Variants in FCRLA observed in about 807,000 individuals in gnomAD.
FCRLA encodes Fc receptor like A, also known as Fc receptor-like A.
A neutral mutation model predicts 28.4 loss-of-function variants in FCRLA; 26 were observed. The ratio of observed to expected loss-of-function variants is 0.91; its 90% confidence interval spans 0.67 to 1.27. FCRLA has a LOEUF of 1.27. FCRLA is among the 50% of genes most tolerant of loss of function. The pLI is 0.00. For synonymous variants in FCRLA, 174 were observed against 168.5 expected, an observed-to-expected ratio of 1.03 and a Z score of -0.25; for missense variants, 422 against 433.1, an observed-to-expected ratio of 0.97 and a Z score of 0.23.
At position 161,711,431 on chromosome 1, in the gene FCRLA, T is replaced by C. The variant is rs1305461995; in HGVS notation, c.456T>C (p.Pro152=). The C allele has an allele frequency of 2.5e-6, 4 of 1,614,106 alleles. No homozygotes were observed. Among genetic ancestry groups the C allele is most frequent in the Non-Finnish European group, 8.5e-7 (1 of 1,180,028 alleles). Residue 152 remains proline (P), a synonymous_variant, in exon 3 of 5, where the codon CCT becomes CCC. Transcript: ENST00000236938. ...HCSGIFQSPG[P]GIPETASVVA... ...GTGGCATCTTCCAGAGCCCTGGTCC[T>C]GGGATCCCAGAAACAGCATCTGTTG...
intron 1 of FCRLA, 150 bp downstream of exon 1, chr1:161,707,493 T>G: frequency 1.2e-6 from 1 of 819,160 alleles, no homozygotes; most frequent in Non-Finnish European, 1.8e-6. Flanking sequence ...GAAAGTTTGG[T>G]GTACAGGATT....
At chr1:161,710,430 C>T in intron 1 of FCRLA, 4 of 1,542,788 alleles carry the variant, frequency 2.6e-6, no homozygotes, top group Non-Finnish European at 1.8e-6. Flanking sequence ...CTATGCCTCC[C>T]TGCTTCGAGT....
rs1228797097 is a variant in FCRLA, at chr1:161,713,531, T to G, written c.*151T>G. 1 of 632,772 alleles carries G rather than the reference T, an allele frequency of 1.6e-6. No individual in the cohort carries two copies. Among genetic ancestry groups the G allele is most frequent in the African/African-American group, 1.8e-5 (1 of 54,474 alleles). 39.2% of individuals were successfully genotyped at this position (632,772 alleles called of 1,614,324 possible). A position where few individuals can be genotyped will look rare whatever the true frequency, so the allele number is the denominator to read the frequency against. ...TGTAGTTAGGTGAGTGTAAATAAAT[T>G]TATATAAAGTGAGAATTAGAGTTTA... is the stretch of plus-strand genomic sequence containing the variant. On this transcript the variant is annotated 3_prime_UTR_variant, in exon 5 of 5. Transcript: ENST00000236938.
At position 161,714,212 on chromosome 1, in the gene FCRLA, C is replaced by G. The variant is rs1334983330; in HGVS notation, c.*832C>G. The stretch of plus-strand genomic sequence containing the variant: ...CCCAGAGAGCTAACTCACCCTTCCA[C>G]CATATGAGGACGTGGCAAGAAGATG... On this transcript the variant is annotated 3_prime_UTR_variant, in exon 5 of 5. Coordinates refer to ENST00000236938, the MANE Select transcript of FCRLA (RefSeq NM_032738.4). 1 of 152,198 alleles carries G rather than the reference C, an allele frequency of 6.6e-6. No individual in the cohort carries two copies. Among genetic ancestry groups the G allele is most frequent in the African/African-American group, 2.4e-5 (1 of 41,434 alleles). The allele number at this position is 152,198 out of a possible 1,614,324, so 9.4% of individuals were successfully genotyped here.
chr1:161,712,936 G>A (rs1683175297), intron 4 of FCRLA, 149 bp from the exon 5 acceptor site: 3 of 839,392 alleles, frequency 3.6e-6, no homozygotes, highest in Admixed American at 4.9e-5. Context: ...ATTAAAATTT[G>A]GACCAGGAGG....
At position 161,712,123 on chromosome 1, in the gene FCRLA, C is replaced by CT. The variant is rs1468592602; in HGVS notation, c.691dup (p.Ser231PhefsTer11). 2 of 1,614,094 alleles carry CT rather than the reference C, an allele frequency of 1.2e-6. No individual in the cohort carries two copies. Among genetic ancestry groups the CT allele is most frequent in the Non-Finnish European group, 1.7e-6 (2 of 1,180,040 alleles). On this transcript the variant is annotated frameshift_variant, in exon 4 of 5. Transcript: ENST00000236938. LOFTEE classifies it high-confidence loss of function. ...TCCTCAGAATTCCAGATCCCCACAG[C>CT]TTCAGAAGATCACTCCGGGTCATAC...
At chr1:161,711,090 C>A (rs1683075803) in intron 2 of FCRLA, 118 bp from the exon 3 acceptor site, 3 of 1,461,076 alleles carry the variant, frequency 2.1e-6, no homozygotes, top group East Asian at 2.3e-5. Context: ...TCCCATACTC[C>A]CAACCAGGGG....
At position 161,707,306 on chromosome 1, in the gene FCRLA, T is replaced by G. The variant is rs1386759243; in HGVS notation, c.42T>G (p.Leu14=). Residue 14 remains leucine (L), a synonymous_variant, in exon 1 of 5, where the codon CTT becomes CTG. Coordinates refer to ENST00000236938, the MANE Select transcript of FCRLA (RefSeq NM_032738.4). ...TCCTCATGGCCTGGGCCCTCTACCT[T>G]TCCCTTGGTGTGCTCTGGGTGGCCC... ...GCVLMAWALY[L]SLGVLWVAQM... is the part of the protein sequence containing the mutation. 4 of 1,613,120 alleles carry G rather than the reference T, an allele frequency of 2.5e-6. No individual in the cohort carries two copies. Among genetic ancestry groups the G allele is most frequent in the African/African-American group, 2.7e-5 (2 of 74,870 alleles).
In FCRLA at chr1:161,711,931, C is replaced by T. The variant is rs371762388; in HGVS notation, c.500-3C>T. 2.2e-5 allele frequency: 35 copies of T among 1,602,880 alleles called. No homozygotes were observed. The African/African-American group carries it at 4.2e-4, about 19-fold the overall frequency. On this transcript the variant is annotated splice_region_variant and splice_polypyrimidine_tract_variant and intron_variant, in intron 3 of 4. Transcript: ENST00000236938. ...TCTTCTTTCCTGCCTATCTTTTTCC[C>T]AGAACTGTTTCCAGCGCCAATTCTC...
In FCRLA at chr1:161,710,810, A is replaced by C. The variant is rs772322689; in HGVS notation, c.130A>C (p.Ser44Arg). The C allele has an allele frequency of 6.2e-7, 1 of 1,613,952 alleles. No homozygotes were observed. The highest frequency in any genetic ancestry group is 1.7e-5 in the Admixed American group (1 of 60,006). ...QCEGPVCTEESSCHTEDDLTD... is the reference protein window; with the variant it reads ...QCEGPVCTEERSCHTEDDLTD... The stretch of plus-strand genomic sequence containing the variant: ...TGAGGGACCTGTCTGCACTGAGGAG[A>C]GCAGCTGCCACACGGAGGATGACTT... The change falls in exon 2 of 5, where the codon AGC (serine) becomes CGC (arginine). Residue 44 changes from serine to arginine, a missense_variant. Around this residue, in one of 3 missense-constraint regions of FCRLA, gnomAD observed 231 missense variants for 214.6 expected, o/e 1.08. Coordinates refer to ENST00000236938, the MANE Select transcript of FCRLA (RefSeq NM_032738.4).
At chr1:161,707,791 C>T (rs568151105) in intron 1 of FCRLA, among the ~76,000 whole-genome samples, 1 of 152,248 alleles carries the variant, frequency 6.6e-6, no homozygotes, top group East Asian at 1.9e-4. Flanking sequence ...CTGCACTGGG[C>T]TCTGTTGATC....
chr1:161,709,399 T>C (rs889801875), intron 1 of FCRLA, among the ~76,000 whole-genome samples: 3 of 152,176 alleles, frequency 2.0e-5, no homozygotes, highest in African/African-American at 7.2e-5. Context: ...CCCAAAGTGC[T>C]GTGATTATAA....
At chr1:161,707,491 G>A in intron 1 of FCRLA, 148 bp downstream of exon 1, 2 of 851,572 alleles carry the variant, frequency 2.3e-6, no homozygotes, top group Non-Finnish European at 3.4e-6. Flanking sequence ...AAGAAAGTTT[G>A]GTGTACAGGA....
At chr1:161,710,696 C>A in intron 1 of FCRLA, 64 bp from the exon 2 acceptor site, 1 of 1,594,000 alleles carries the variant, frequency 6.3e-7, no homozygotes, top group Non-Finnish European at 8.6e-7. Flanking sequence ...ATGGAGGAAC[C>A]CTGTCCTCTT....
intron 1 of FCRLA, chr1:161,710,276 T>A (rs1683027371): frequency 1.7e-6 from 1 of 601,480 alleles, no homozygotes; most frequent in Non-Finnish European, 3.0e-6. Flanking sequence ...GTTTTCTAAG[T>A]GTGTTTCTTT....
chr1:161,712,566 G>T (rs141575777), intron 4 of FCRLA, among the ~76,000 whole-genome samples: 1 of 152,264 alleles, frequency 6.6e-6, no homozygotes, highest in Non-Finnish European at 1.5e-5. Flanking sequence ...AATTCTGGGA[G>T]CCACTGTTAA....
rs1241050115 is a variant in FCRLA, at chr1:161,707,297, C to A, written c.33C>A (p.Ala11=). MKLGCVLMAW[A]LYLSLGVLWV... ...TGGGCTGTGTCCTCATGGCCTGGGC[C>A]CTCTACCTTTCCCTTGGTGTGCTCT... The change falls in exon 1 of 5, where the codon GCC becomes GCA. Residue 11 remains alanine, a synonymous_variant. Coordinates refer to ENST00000236938, the MANE Select transcript of FCRLA (RefSeq NM_032738.4). The A allele has an allele frequency of 6.2e-7, 1 of 1,613,400 alleles. No homozygotes were observed. The highest frequency in any genetic ancestry group is 8.5e-7 in the Non-Finnish European group (1 of 1,179,768).
intron 1 of FCRLA, chr1:161,710,183 G>A (rs1683023386): frequency 2.1e-6 from 1 of 467,896 alleles, no homozygotes; most frequent in Non-Finnish European, 3.9e-6. Flanking sequence ...GAAGTAAAAA[G>A]AACATTGATT....
At position 161,713,187 on chromosome 1, in the gene FCRLA, C is replaced by T. The variant is rs202170585; in HGVS notation, c.887C>T (p.Pro296Leu). Residue 296 changes from proline to leucine, a missense_variant, in exon 5 of 5, where the codon CCG becomes CTG. Physicochemically the swap from Pro to Leu is moderately conservative, Grantham distance 98. This residue lies in a region of FCRLA where 185 missense variants were observed against 198.1 expected (regional missense o/e 0.93). Transcript: ENST00000236938. The stretch of plus-strand genomic sequence containing the variant: ...GAGGCCCCTGGGCCTCTGCCTCCGC[C>T]GCCAACCCCATCTTCTGAGGATCCA... ...PEEAPGPLPP[P>L]PTPSSEDPGF... 7.8e-5 allele frequency: 126 copies of T among 1,614,128 alleles called. No homozygotes were observed. The highest frequency in any genetic ancestry group is 1.6e-4 in the Middle Eastern group (1 of 6,084).
Sources: gnomAD v4.1 joint callset for allele counts (sites outside exome capture counted in the v4.1 genomes callset) on GRCh38, gnomAD v4.1.1 for gene constraint, gnomAD v4.1.1 regional missense constraint, MANE v1.5 for transcripts, NCBI Gene and HGNC (gene_info 2026-07-23, HGNC 2026-07-21) for gene names.